DLC1: variants seen among roughly 807,000 people sequenced by gnomAD.
DLC1 encodes the protein DLC1 Rho GTPase activating protein.
Under a neutral mutation model 140.3 loss-of-function variants are expected in DLC1, and 54 were observed. The observed-to-expected ratio is 0.38, with a 90% CI of 0.31 to 0.48. DLC1 has a LOEUF of 0.48. Among genes scored for constraint, DLC1 ranks in the 20% least tolerant of loss-of-function variants. The pLI is 0.96. For missense variants in DLC1, 2,536 were observed against 1,907.0 expected (o/e 1.33, Z -6.14); for synonymous variants, 986 against 728.1 (o/e 1.35, Z -5.70).
At chr8:13,453,822 T>C (rs1332400565) in intron 2 of DLC1, among the ~76,000 whole-genome samples, 1 of 151,966 alleles carries the variant, frequency 6.6e-6, no homozygotes, top group Non-Finnish European at 1.5e-5. Context: ...GAGTTGCTAC[T>C]ATATGTATTA....
intron 5 of DLC1, among the ~76,000 whole-genome samples, chr8:13,262,868 C>T (rs985680224): frequency 6.6e-6 from 1 of 152,176 alleles, no homozygotes; most frequent in Admixed American, 6.5e-5. Flanking sequence ...GTAGTTTGAA[C>T]TTCAAAACAG....
chr8:13,580,496 G>C (rs962817316), intron 1 of DLC1, among the ~76,000 whole-genome samples: 7 of 152,146 alleles, frequency 4.6e-5, no homozygotes, highest in African/African-American at 1.7e-4. Flanking sequence ...AGGGGGCACA[G>C]ACAGTTAGCA....
chr8:13,329,934 C>G (rs1833519031), intron 4 of DLC1, among the ~76,000 whole-genome samples: 1 of 152,078 alleles, frequency 6.6e-6, no homozygotes, highest in Non-Finnish European at 1.5e-5. Context: ...GAGAAAAGAA[C>G]ATTGCTTCAT....
chr8:13,202,968 T>G (rs1034612918), intron 5 of DLC1, among the ~76,000 whole-genome samples: 2 of 152,124 alleles, frequency 1.3e-5, no homozygotes, highest in African/African-American at 4.8e-5. Flanking sequence ...TCACCAAGCT[T>G]CCCCCTTGTA....
At chr8:13,371,330 C>G (rs1835717230) in intron 4 of DLC1, among the ~76,000 whole-genome samples, 2 of 152,098 alleles carry the variant, frequency 1.3e-5, no homozygotes, top group African/African-American at 2.4e-5. Flanking sequence ...TATTCTGTCC[C>G]CATTCAAAAG....
chr8:13,300,291 G>C (rs2117499646), intron 5 of DLC1, among the ~76,000 whole-genome samples: 1 of 152,258 alleles, frequency 6.6e-6, no homozygotes, highest in Admixed American at 6.5e-5. Flanking sequence ...GGGGAGGATG[G>C]TGTGGGGAGA....
intron 5 of DLC1, among the ~76,000 whole-genome samples, chr8:13,185,410 C>G (rs924479389): frequency 1.3e-5 from 2 of 151,796 alleles, no homozygotes; most frequent in African/African-American, 4.8e-5. Flanking sequence ...TGGGTTCATG[C>G]CATTCTCCTG....
At chr8:13,166,557 C>T (rs1825120131) in intron 5 of DLC1, among the ~76,000 whole-genome samples, 1 of 152,016 alleles carries the variant, frequency 6.6e-6, no homozygotes, top group South Asian at 2.1e-4. Context: ...GCCAGGCTGG[C>T]CTCGAACTCA....
At chr8:13,144,457 A>G (rs2128973333) in intron 5 of DLC1, among the ~76,000 whole-genome samples, 1 of 152,316 alleles carries the variant, frequency 6.6e-6, no homozygotes, top group East Asian at 1.9e-4. Context: ...ATCACGTGAG[A>G]CAATTCCCTT....
chr8:13,222,186 C>T (rs1188623436), intron 5 of DLC1, among the ~76,000 whole-genome samples: 2 of 151,702 alleles, frequency 1.3e-5, no homozygotes, highest in South Asian at 4.1e-4. Flanking sequence ...AAATGTAGGG[C>T]CACTCCAAAA....
At chr8:13,110,880 T>A (rs1009725988) in intron 6 of DLC1, 57 bp from the exon 7 acceptor site, 1 of 1,506,842 alleles carries the variant, frequency 6.6e-7, no homozygotes, top group Non-Finnish European at 9.2e-7. Flanking sequence ...ATTTGCCAAA[T>A]AGCCCAGTTT....
chr8:13,302,086 G>C (rs1237519941), intron 5 of DLC1, among the ~76,000 whole-genome samples: 1 of 152,200 alleles, frequency 6.6e-6, no homozygotes, highest in East Asian at 1.9e-4. Context: ...AAAGAAGTTG[G>C]TTGGATTCTG....
At chr8:13,355,920 TAA>T (rs200994373) in intron 4 of DLC1, among the ~76,000 whole-genome samples, 1 of 147,238 alleles carries the variant, frequency 6.8e-6, no homozygotes, top group African/African-American at 2.5e-5. Context: ...CCGTCTCTAC[TAA>T]AAAAAAAATT....
At chr8:13,187,960 C>T (rs1826483249) in intron 5 of DLC1, among the ~76,000 whole-genome samples, 1 of 152,078 alleles carries the variant, frequency 6.6e-6, no homozygotes, top group African/African-American at 2.4e-5. Context: ...CTCTCCTTCT[C>T]TTTTCCTCCT....
chr8:13,495,748 C>T (rs1387574603), intron 2 of DLC1, among the ~76,000 whole-genome samples: 1 of 152,188 alleles, frequency 6.6e-6, no homozygotes, highest in African/African-American at 2.4e-5. Flanking sequence ...CTTTGCAAAA[C>T]GATGAATGCC....
chr8:13,529,648 C>G (rs1044317694), intron 1 of DLC1, among the ~76,000 whole-genome samples: 1 of 152,078 alleles, frequency 6.6e-6, no homozygotes, highest in African/African-American at 2.4e-5. Context: ...TTAAGAAAGT[C>G]ATTCCTTGCA....
rs1302746826 is a variant in DLC1, at chr8:13,098,401, G to C, written c.3165C>G (p.Ser1055Arg). ...KYTPSNKHGF[S>R]WAVPKFMKRI... ...TGACTGATCATTTAAACTCTTACCA[G>C]CTAAAACCATGCTTGTTAGAAGGTG... Residue 1055 changes from serine (S) to arginine (R), a missense_variant and splice_region_variant, in exon 10 of 18, where the codon AGC becomes AGG. Physicochemically the swap from Ser to Arg is moderately radical, Grantham distance 110. Transcript: ENST00000276297. 5.6e-6 allele frequency: 9 copies of C among 1,614,018 alleles called. No homozygotes were observed. The highest frequency in any genetic ancestry group is 2.2e-5 in the East Asian group (1 of 44,878).
chr8:13,432,954 T>C (rs900878669), intron 2 of DLC1, among the ~76,000 whole-genome samples: 3 of 149,878 alleles, frequency 2.0e-5, no homozygotes, highest in Non-Finnish European at 4.4e-5. Context: ...TTTTTTTTTT[T>C]TTTTTTTTTT....
At chr8:13,426,821 T>G (rs1838606427) in intron 2 of DLC1, among the ~76,000 whole-genome samples, 1 of 152,214 alleles carries the variant, frequency 6.6e-6, no homozygotes, top group Admixed American at 6.5e-5. Context: ...TGCCTACATT[T>G]GTCTCTCATC....
Sources: allele counts gnomAD v4.1 joint callset (sites outside exome capture counted in the v4.1 genomes callset), GRCh38; gene constraint gnomAD v4.1.1; transcripts MANE v1.5; gene names NCBI Gene and HGNC (gene_info 2026-07-23, HGNC 2026-07-21).